The following SUPT5H variants were observed in gnomAD, a reference collection of about 807,000 sequenced individuals.
SUPT5H encodes the protein transcription elongation factor SPT5.
SUPT5H carries 24 observed loss-of-function variants against 142.5 expected under a neutral mutation model. The ratio of observed to expected loss-of-function variants is 0.17; its 90% confidence interval spans 0.12 to 0.24. SUPT5H has a LOEUF of 0.24. SUPT5H is among the 10% of genes least tolerant of loss of function. SUPT5H has a pLI of 1.00. For missense variants in SUPT5H, 893 were observed against 1,471.8 expected, an observed-to-expected ratio of 0.61 and a Z score of 6.43; for synonymous variants, 546 against 553.0, an observed-to-expected ratio of 0.99 and a Z score of 0.18.
intron 2 of SUPT5H, among the ~76,000 whole-genome samples, chr19:39,447,787 A>C (rs992301378): frequency 6.6e-6 from 1 of 152,166 alleles, no homozygotes. Flanking sequence ...TGCATCTACT[A>C]CTGTGTTCCA....
chr19:39,459,177 C>T lies in SUPT5H; in HGVS notation c.459-7C>T, dbSNP rs776242547. ...TCACCCCTTCCTGACTGCCCTCCTCCCTTCAGGGTGTATGGAGGATCTGAT... is the reference window on the plus strand; with the variant it reads ...TCACCCCTTCCTGACTGCCCTCCTCTCTTCAGGGTGTATGGAGGATCTGAT... On this transcript the variant is annotated splice_region_variant and splice_polypyrimidine_tract_variant and intron_variant, in intron 7 of 29. Transcript: ENST00000432763. The T allele has an allele frequency of 8.1e-6, 13 of 1,601,334 alleles. No homozygotes were observed. The highest frequency in any genetic ancestry group is 1.3e-5 in the African/African-American group (1 of 74,522).
rs367984226 is a variant in SUPT5H at position 39,476,645 on chromosome 19, A to G, written c.*246A>G. On this transcript the variant is annotated 3_prime_UTR_variant, in exon 30 of 30. Transcript: ENST00000432763. ...CTTGCTTTTGTTGTACCGTCTTTCA[A>G]TAAAAAGAAGCTGTTTGGTCTAAAA... is the stretch of plus-strand genomic sequence containing the variant. The G allele has an allele frequency of 1.1e-5, 6 of 542,576 alleles. No individual in the cohort carries two copies. The highest frequency in any genetic ancestry group is 3.2e-5 in the East Asian group (1 of 31,246). The allele number at this position is 542,576 out of a possible 1,614,324, so 33.6% of individuals were successfully genotyped here. A position where few individuals can be genotyped will look rare whatever the true frequency, so the allele number is the denominator to read the frequency against.
chr19:39,466,945 G>C lies in SUPT5H; in HGVS notation c.1037+200G>C, dbSNP rs749222448. 1 of 598,560 alleles carries C rather than the reference G, an allele frequency of 1.7e-6. No homozygotes were observed. The highest frequency in any genetic ancestry group is 3.0e-6 in the Non-Finnish European group (1 of 338,944). 37.1% of individuals were successfully genotyped at this position (598,560 alleles called of 1,614,324 possible). On this transcript the variant is annotated intron_variant, in intron 13 of 29. Coordinates refer to ENST00000432763, the MANE Select transcript of SUPT5H (RefSeq NM_001111020.3). This position sits in a 1 kb window ranked among gnomAD's most constrained non-coding sequence, Gnocchi z 4.3. ...GCTATAAAGATTGATGAGGCTGGGC[G>C]CAGCGGGAGGGAGCACTTTGGAAGG...
Position 39,445,862 on chromosome 19 carries a change from G to A in SUPT5H, c.-29G>A, listed in dbSNP as rs1932. On this transcript the variant is annotated 5_prime_UTR_variant, in exon 2 of 30. Coordinates refer to ENST00000432763, the MANE Select transcript of SUPT5H (RefSeq NM_001111020.3). The stretch of plus-strand genomic sequence containing the variant: ...GCGCAGGATTGTGGGACGCGCCAAG[G>A]CTGCTGTCTTTCCCAGCAGCAGCGG... The A allele has an allele frequency of 0.54, 874,240 of 1,609,366 alleles. 240,472 individuals are homozygous for A. The highest frequency in any genetic ancestry group is 0.76 in the African/African-American group (56,656 of 74,948).
intron 10 of SUPT5H, among the ~76,000 whole-genome samples, chr19:39,462,200 T>C (rs1269838367): frequency 6.6e-6 from 1 of 152,170 alleles, no homozygotes; most frequent in Non-Finnish European, 1.5e-5. Context: ...TGAGCCACTG[T>C]GCCCAGCCTA....
rs1423281560 is a variant in SUPT5H at position 39,473,303 on chromosome 19, T to C, written c.2359T>C (p.Tyr787His). 6.2e-7 allele frequency: 1 copy of C among 1,613,958 alleles called. No individual in the cohort carries two copies. Among genetic ancestry groups the C allele is most frequent in the Non-Finnish European group, 8.5e-7 (1 of 1,179,974 alleles). Residue 787 changes from tyrosine (Y) to histidine (H), a missense_variant, in exon 24 of 30, where the codon TAC becomes CAC. This residue lies in a region of SUPT5H where 336 missense variants were observed against 546.5 expected (regional missense o/e 0.61). Coordinates refer to ENST00000432763, the MANE Select transcript of SUPT5H (RefSeq NM_001111020.3). The surrounding 1 kb of genome is among the most constrained non-coding windows in gnomAD (Gnocchi z 5.8). ...TGGCTCTGGCTCCCGAACACCCATG[T>C]ACGGCTCACAGACACCCCTCCAGGA... ...MYGSGSRTPM[Y>H]GSQTPLQDGS...
chr19:39,449,811 T>C (rs1014099683), intron 2 of SUPT5H, among the ~76,000 whole-genome samples: 2 of 152,016 alleles, frequency 1.3e-5, no homozygotes, highest in African/African-American at 4.8e-5. Flanking sequence ...GGCTGATTTT[T>C]ATATTTTTGG....
rs763476119 is a variant in SUPT5H, at chr19:39,466,626, G to A, written c.967-49G>A. ...GGGAGTGTGCTCGATCCCACTGGTG[G>A]CCAAGCCCCCTCCCTCACCCTTCCC... On this transcript the variant is annotated intron_variant, in intron 12 of 29. Transcript: ENST00000432763. This position sits in a 1 kb window ranked among gnomAD's most constrained non-coding sequence, Gnocchi z 4.3. 6.2e-7 allele frequency: 1 copy of A among 1,613,174 alleles called. No homozygotes were observed. Among genetic ancestry groups the A allele is most frequent in the Non-Finnish European group, 8.5e-7 (1 of 1,179,114 alleles).
rs147765614 is a variant in SUPT5H at position 39,469,323 on chromosome 19, C to T, written c.1299C>T (p.Leu433=). The part of the protein sequence containing the change: ...GDNVEVCEGE[L]INLQGKILSV... ...ACGTGGAGGTCTGTGAGGGTGAGCTCATCAACCTGCAGGGCAAGATCCTCA... is the reference window on the plus strand; with the variant it reads ...ACGTGGAGGTCTGTGAGGGTGAGCTTATCAACCTGCAGGGCAAGATCCTCA... Residue 433 remains leucine (L), a synonymous_variant, in exon 16 of 30, where the codon CTC becomes CTT. Coordinates refer to ENST00000432763, the MANE Select transcript of SUPT5H (RefSeq NM_001111020.3). This position sits in a 1 kb window ranked among gnomAD's most constrained non-coding sequence, Gnocchi z 5.1. 6 of 1,614,082 alleles carry T rather than the reference C, an allele frequency of 3.7e-6. No homozygotes were observed. In the African/African-American group the frequency reaches 4.0e-5, roughly 11 times the overall value.
chr19:39,455,395 C>T (rs945043389), intron 3 of SUPT5H, among the ~76,000 whole-genome samples: 1 of 151,688 alleles, frequency 6.6e-6, no homozygotes, highest in Non-Finnish European at 1.5e-5. Context: ...AACCCTGTCT[C>T]TACTAAAAAT....
Position 39,466,241 on chromosome 19 carries a change from G to A in SUPT5H, c.877-239G>A, listed in dbSNP as rs749054572. ...GGGAATCAGCGGTTTGGCTGCGGTCGTCCTGGATTTGAGGGACCTTTAGAC... is the reference window on the plus strand; with the variant it reads ...GGGAATCAGCGGTTTGGCTGCGGTCATCCTGGATTTGAGGGACCTTTAGAC... On this transcript the variant is annotated intron_variant, in intron 11 of 29. Transcript: ENST00000432763. This position sits in a 1 kb window ranked among gnomAD's most constrained non-coding sequence, Gnocchi z 4.3. 2.0e-4 allele frequency among the ~76,000 whole-genome samples: 31 copies of A among 152,142 alleles called. No individual in the cohort carries two copies. Among genetic ancestry groups the A allele is most frequent in the Non-Finnish European group, 2.8e-4 (19 of 68,028 alleles).
rs1370160549 is a variant in SUPT5H at position 39,474,915 on chromosome 19, C to T, written c.3024+197C>T. The T allele has an allele frequency of 3.2e-6, 2 of 632,468 alleles. No individual in the cohort carries two copies. The highest frequency in any genetic ancestry group is 3.7e-5 in the African/African-American group (2 of 54,382). 39.2% of individuals were successfully genotyped at this position (632,468 alleles called of 1,614,324 possible). On this transcript the variant is annotated intron_variant, in intron 28 of 29. Coordinates refer to ENST00000432763, the MANE Select transcript of SUPT5H (RefSeq NM_001111020.3). This position sits in a 1 kb window ranked among gnomAD's most constrained non-coding sequence, Gnocchi z 6.5. Reference sequence around the variant, plus strand: ...TTAGCGGGGAATCAGGGAGGGCTGCCTGGGGAAGGAGAAATCTGAGCCAAG... The same window carrying T: ...TTAGCGGGGAATCAGGGAGGGCTGCTTGGGGAAGGAGAAATCTGAGCCAAG...
chr19:39,474,878 A>C lies in SUPT5H; in HGVS notation c.3024+160A>C. 1.3e-6 allele frequency: 1 copy of C among 767,034 alleles called. No individual in the cohort carries two copies. Among genetic ancestry groups the C allele is most frequent in the East Asian group, 2.7e-5 (1 of 37,064 alleles). The allele number at this position is 767,034 out of a possible 1,614,324, so 47.5% of individuals were successfully genotyped here. ...GGAGCTATGTGAACCCAAAGGAGGC[A>C]TCTTACCTGATTTAGCGGGGAATCA... On this transcript the variant is annotated intron_variant, in intron 28 of 29. Coordinates refer to ENST00000432763, the MANE Select transcript of SUPT5H (RefSeq NM_001111020.3). This position sits in a 1 kb window ranked among gnomAD's most constrained non-coding sequence, Gnocchi z 6.5.
chr19:39,462,908 C>T (rs1395532820), intron 10 of SUPT5H, among the ~76,000 whole-genome samples: 2 of 138,024 alleles, frequency 1.4e-5, no homozygotes, highest in African/African-American at 2.7e-5. Flanking sequence ...GATGCGATCT[C>T]GGCTCACCGC....
At chr19:39,455,621 TTTC>T (rs1247973908) in intron 3 of SUPT5H, among the ~76,000 whole-genome samples, 4 of 147,432 alleles carry the variant, frequency 2.7e-5, no homozygotes, top group Non-Finnish European at 4.5e-5. Context: ...TTTCTTTTCT[TTTC>T]TTCTTTTTTT....
At position 39,472,874 on chromosome 19, in the gene SUPT5H, G is replaced by C. The variant is rs775048239; in HGVS notation, c.2100G>C (p.Arg700=). Reference sequence around the variant, plus strand: ...GTGGCATGAGCAGGGGCCGGGGCCGGAGGGACAACGAACTCATCGGCCAGA... The same window carrying C: ...GTGGCATGAGCAGGGGCCGGGGCCGCAGGGACAACGAACTCATCGGCCAGA... ...GSGGMSRGRG[R]RDNELIGQTV... is the part of the protein sequence containing the mutation. Residue 700 remains arginine (R), a synonymous_variant, in exon 22 of 30, where the codon CGG becomes CGC. Transcript: ENST00000432763. This position sits in a 1 kb window ranked among gnomAD's most constrained non-coding sequence, Gnocchi z 4.2. The C allele has an allele frequency of 6.2e-7, 1 of 1,613,846 alleles. No individual in the cohort carries two copies. The highest frequency in any genetic ancestry group is 8.5e-7 in the Non-Finnish European group (1 of 1,179,882).
At position 39,445,789 on chromosome 19, in the gene SUPT5H, G is replaced by C; in HGVS notation, c.-87-15G>C. 6.9e-7 allele frequency: 1 copy of C among 1,442,474 alleles called. No homozygotes were observed. The highest frequency in any genetic ancestry group is 1.2e-5 in the South Asian group (1 of 82,960). The allele number at this position is 1,442,474 out of a possible 1,614,324, so 89.4% of individuals were successfully genotyped here. Reference sequence around the variant, plus strand: ...GAGCCTGCCGGAAGCGCCCTAAGGGGTTTTCTTCTCCCAGGGAACCAGCGG... The same window carrying C: ...GAGCCTGCCGGAAGCGCCCTAAGGGCTTTTCTTCTCCCAGGGAACCAGCGG... On this transcript the variant is annotated splice_polypyrimidine_tract_variant and intron_variant, in intron 1 of 29. Transcript: ENST00000432763.
In SUPT5H at chr19:39,458,117, TG is replaced by T; in HGVS notation, c.308-175del. 1 of 1,116,818 alleles carries T rather than the reference TG, an allele frequency of 9.0e-7. No individual in the cohort carries two copies. Among genetic ancestry groups the T allele is most frequent in the Non-Finnish European group, 1.2e-6 (1 of 801,294 alleles). 69.2% of individuals were successfully genotyped at this position (1,116,818 alleles called of 1,614,324 possible). A position where few individuals can be genotyped will look rare whatever the true frequency, so the allele number is the denominator to read the frequency against. ...ACATTTCGGCTTCTCCCCAACCACCTGGTGCCTGGCCTTTACTTTTGGTTTT... is the reference window on the plus strand; with the variant it reads ...ACATTTCGGCTTCTCCCCAACCACCTGTGCCTGGCCTTTACTTTTGGTTTT... On this transcript the variant is annotated intron_variant, in intron 4 of 29. Transcript: ENST00000432763. The surrounding 1 kb of genome is among the most constrained non-coding windows in gnomAD (Gnocchi z 4.2).
At chr19:39,462,657 A>G (rs1212281682) in intron 10 of SUPT5H, among the ~76,000 whole-genome samples, 2 of 151,948 alleles carry the variant, frequency 1.3e-5, no homozygotes, top group African/African-American at 2.4e-5. Context: ...CAATCTCCCA[A>G]GTAGCTGGGA....
Sources: allele counts gnomAD v4.1 joint callset (sites outside exome capture counted in the v4.1 genomes callset), GRCh38; gene constraint gnomAD v4.1.1; regional missense constraint gnomAD v4.1.1; non-coding constraint Gnocchi (gnomAD v3.1); transcripts MANE v1.5; gene names NCBI Gene and HGNC (gene_info 2026-07-23, HGNC 2026-07-21).